The following ATP11A variants were observed in gnomAD, a reference collection of about 807,000 sequenced individuals.
ATP11A encodes the protein ATPase phospholipid transporting 11A.
Under a neutral mutation model 154.4 loss-of-function variants are expected in ATP11A, and 81 were observed. That is an observed-to-expected ratio of 0.52 (90% CI 0.44 to 0.63). The LOEUF (loss-of-function observed/expected upper bound fraction) is 0.63, where lower values mean the gene tolerates loss of function less well. ATP11A is among the 30% of genes least tolerant of loss of function. The pLI is 0.00. For missense variants in ATP11A, 1,316 were observed against 1,474.3 expected, an observed-to-expected ratio of 0.89 and a Z score of 1.76; for synonymous variants, 623 against 585.9, an observed-to-expected ratio of 1.06 and a Z score of -0.91.
intron 1 of ATP11A, among the ~76,000 whole-genome samples, chr13:112,726,423 C>T (rs1566388723): frequency 6.6e-6 from 1 of 152,070 alleles, no homozygotes; most frequent in East Asian, 1.9e-4. Flanking sequence ...CATCTGTGTG[C>T]AGGGAGAATG....
chr13:112,768,190 T>C (rs1367897339), intron 1 of ATP11A, among the ~76,000 whole-genome samples: 7 of 152,250 alleles, frequency 4.6e-5, no homozygotes, highest in African/African-American at 1.2e-4. Context: ...GCCCGGCCAC[T>C]GCCAGGGCGG....
intron 12 of ATP11A, among the ~76,000 whole-genome samples, chr13:112,828,547 G>A (rs1056074887): frequency 2.0e-5 from 3 of 151,580 alleles, no homozygotes; most frequent in African/African-American, 7.3e-5. Context: ...GAGTAGGGGG[G>A]AAAGCGCCAA....
rs953308005 is a variant in ATP11A, at chr13:112,754,986, G to A, written c.40-30149G>A. Among the ~76,000 whole-genome samples the A allele has an allele frequency of 2.2e-4, 33 of 152,356 alleles. No individual in the cohort carries two copies. The highest frequency in any genetic ancestry group is 3.5e-4 in the Non-Finnish European group (24 of 68,028). Reference sequence around the variant, plus strand: ...GCTCCTGCCGAGGGCTGGATGGCGCGGACCTGGGCATCGTGGCCTCTGCAG... The same window carrying A: ...GCTCCTGCCGAGGGCTGGATGGCGCAGACCTGGGCATCGTGGCCTCTGCAG... On this transcript the variant is annotated intron_variant, in intron 1 of 29. Transcript: ENST00000375645. The surrounding 1 kb of genome is among the most constrained non-coding windows in gnomAD (Gnocchi z 5.3).
intron 12 of ATP11A, among the ~76,000 whole-genome samples, chr13:112,828,184 A>G (rs1202925932): frequency 7.1e-6 from 1 of 140,118 alleles, no homozygotes; most frequent in African/African-American, 2.7e-5. Context: ...GAAAGCGCCC[A>G]GCAGCATTGA....
intron 25 of ATP11A, among the ~76,000 whole-genome samples, chr13:112,865,214 G>A (rs77218149): frequency 5.9e-4 from 30 of 50,818 alleles, no homozygotes; most frequent in South Asian, 2.2e-3. Context: ...AGTGCAGCAC[G>A]TGCAGCTTCC....
At chr13:112,704,787 A>G (rs1224203210) in intron 1 of ATP11A, among the ~76,000 whole-genome samples, 1 of 152,240 alleles carries the variant, frequency 6.6e-6, no homozygotes, top group African/African-American at 2.4e-5. Context: ...CAGAGAAAAG[A>G]GGATTTCCTC....
chr13:112,727,762 A>G (rs1419614995), intron 1 of ATP11A, among the ~76,000 whole-genome samples: 1 of 152,190 alleles, frequency 6.6e-6, no homozygotes, highest in Non-Finnish European at 1.5e-5. Flanking sequence ...TGAAATGCAG[A>G]TCGGCTTTCA....
At chr13:112,764,231 C>T (rs2077024515) in intron 1 of ATP11A, among the ~76,000 whole-genome samples, 1 of 152,186 alleles carries the variant, frequency 6.6e-6, no homozygotes, top group South Asian at 2.1e-4. Flanking sequence ...ACGGTGACAT[C>T]GCTCCTGGAC....
intron 11 of ATP11A, among the ~76,000 whole-genome samples, chr13:112,826,353 C>T (rs1390170118): frequency 6.6e-6 from 1 of 152,232 alleles, no homozygotes; most frequent in African/African-American, 2.4e-5. Context: ...ATAAGAGACA[C>T]AAAGAGATCC....
chr13:112,823,433 C>T (rs2078852186), intron 9 of ATP11A, 24 bp downstream of exon 9: 1 of 1,569,856 alleles, frequency 6.4e-7, no homozygotes, highest in South Asian at 1.1e-5. Context: ...TAATTATTAA[C>T]CATTGCCCCT....
chr13:112,840,844 G>A (rs11842681), intron 16 of ATP11A, among the ~76,000 whole-genome samples: 1,565 of 152,038 alleles, frequency 0.01, 32 homozygotes, highest in African/African-American at 0.035. Flanking sequence ...TCGTCAGCCC[G>A]AGAGCGTCCC....
At position 112,769,135 on chromosome 13, in the gene ATP11A, T is replaced by G. The variant is rs199619437; in HGVS notation, c.40-16000T>G. Among the ~76,000 whole-genome samples, 8 of 152,236 alleles carry G rather than the reference T, an allele frequency of 5.3e-5. No homozygotes were observed. In the East Asian group the frequency reaches 1.5e-3, roughly 29 times the overall value. The stretch of plus-strand genomic sequence containing the variant: ...AGGGCCCCATGGGCTGCCCCCCGGC[T>G]CCTCCTTCCAGGCTCCTACCCTTCC... On this transcript the variant is annotated intron_variant, in intron 1 of 29. Transcript: ENST00000375645.
chr13:112,744,184 G>A (rs958099312), intron 1 of ATP11A, among the ~76,000 whole-genome samples: 3 of 152,200 alleles, frequency 2.0e-5, no homozygotes, highest in African/African-American at 7.2e-5. Flanking sequence ...CCCAGCACCC[G>A]GTTTGGGACG....
chr13:112,760,274 T>G lies in ATP11A; in HGVS notation c.40-24861T>G, dbSNP rs565968983. On this transcript the variant is annotated intron_variant, in intron 1 of 29. Transcript: ENST00000375645. ...AGGAAGGGGCACCTCGCTGTGAGTT[T>G]CATGCTTCCCTTCGTCCAGGCGCTG... Among the ~76,000 whole-genome samples, 8 of 152,376 alleles carry G rather than the reference T, an allele frequency of 5.3e-5. No individual in the cohort carries two copies. The South Asian group carries it at 1.7e-3, about 32-fold the overall frequency.
At chr13:112,783,081 C>T (rs1241571330) in intron 1 of ATP11A, among the ~76,000 whole-genome samples, 1 of 152,142 alleles carries the variant, frequency 6.6e-6, no homozygotes, top group African/African-American at 2.4e-5. Flanking sequence ...GGTGAATTAC[C>T]GATGGAATTT....
chr13:112,857,006 C>T (rs2079948019), intron 20 of ATP11A, among the ~76,000 whole-genome samples: 1 of 152,242 alleles, frequency 6.6e-6, no homozygotes, highest in Admixed American at 6.5e-5. Flanking sequence ...CCCTCACATG[C>T]GTAACTGCAC....
intron 18 of ATP11A, among the ~76,000 whole-genome samples, chr13:112,853,870 A>G (rs916487220): frequency 6.6e-6 from 1 of 152,214 alleles, no homozygotes; most frequent in Non-Finnish European, 1.5e-5. Context: ...ACAAAAGACA[A>G]TCAATATTCC....
intron 17 of ATP11A, among the ~76,000 whole-genome samples, chr13:112,847,880 G>A (rs1387981284): frequency 6.6e-6 from 1 of 152,226 alleles, no homozygotes; most frequent in Non-Finnish European, 1.5e-5. Context: ...GAGGCCAGAA[G>A]TTTGAGACCA....
chr13:112,856,334 T>G, intron 20 of ATP11A: 4 of 284,136 alleles, frequency 1.4e-5, no homozygotes, highest in Non-Finnish European at 1.9e-5. Context: ...ACAGCTGCCC[T>G]GGCTGACTTC....
Sources: gnomAD v4.1 joint callset for allele counts (sites outside exome capture counted in the v4.1 genomes callset) on GRCh38, gnomAD v4.1.1 for gene constraint, Gnocchi (gnomAD v3.1) non-coding constraint, MANE v1.5 for transcripts, NCBI Gene and HGNC (gene_info 2026-07-23, HGNC 2026-07-21) for gene names.